The following SEC63 variants were observed in gnomAD, a reference collection of about 807,000 sequenced individuals.
The protein encoded by SEC63 is translocation protein SEC63 homolog.
A neutral mutation model predicts 116.2 loss-of-function variants in SEC63; 56 were observed. The observed-to-expected ratio is 0.48, with a 90% confidence interval of 0.39 to 0.60. The LOEUF (loss-of-function observed/expected upper bound fraction) is 0.60. SEC63 is among the 20% of genes least tolerant of loss of function. The pLI, the probability that SEC63 is intolerant of heterozygous loss-of-function variation, is 0.00. For synonymous variants in SEC63, 273 were observed against 294.6 expected, an observed-to-expected ratio of 0.93 and a Z score of 0.75; for missense variants, 668 against 900.0, an observed-to-expected ratio of 0.74 and a Z score of 3.30.
chr6:107,947,584 C>A (rs1351599873), intron 1 of SEC63, among the ~76,000 whole-genome samples: 1 of 152,076 alleles, frequency 6.6e-6, no homozygotes, highest in African/African-American at 2.4e-5. Context: ...AAAAAAAATT[C>A]ATCCCCATTC....
intron 16 of SEC63, among the ~76,000 whole-genome samples, chr6:107,889,688 G>C (rs1385423401): frequency 3.3e-5 from 5 of 152,028 alleles, no homozygotes; most frequent in Admixed American, 2.0e-4. Context: ...GTCGATTTTA[G>C]ATCTTTCCTG....
intron 20 of SEC63, 69 bp from the exon 21 acceptor site, chr6:107,871,916 A>T: frequency 6.5e-7 from 1 of 1,546,052 alleles, no homozygotes; most frequent in Non-Finnish European, 8.9e-7. Context: ...CTTGGTAAAC[A>T]AAAGGTTTTC....
chr6:107,868,935 G>A lies in SEC63; in HGVS notation c.*2769C>T, dbSNP rs1012506699. ...TACAGAACACTCTAGTATATGGTTT[G>A]GATTGGCTGAAGCAAACTGAACAAA... On this transcript the variant is annotated 3_prime_UTR_variant, in exon 21 of 21. Coordinates refer to ENST00000369002, the MANE Select transcript of SEC63 (RefSeq NM_007214.5). 1 of 152,178 alleles carries A rather than the reference G, an allele frequency of 6.6e-6. No homozygotes were observed. The highest frequency in any genetic ancestry group is 2.4e-5 in the African/African-American group (1 of 41,432). The allele number at this position is 152,178 out of a possible 1,614,324, so 9.4% of individuals were successfully genotyped here.
chr6:107,878,813 C>T (rs958953155), intron 18 of SEC63, among the ~76,000 whole-genome samples: 34 of 152,000 alleles, frequency 2.2e-4, no homozygotes, highest in Non-Finnish European at 3.1e-4. Flanking sequence ...CAAGATTGCG[C>T]CACTGCAGTC....
At chr6:107,884,266 A>AC (rs1196927041) in intron 16 of SEC63, among the ~76,000 whole-genome samples, 95 of 151,558 alleles carry the variant, frequency 6.3e-4, no homozygotes, top group African/African-American at 2.1e-3. Context: ...AAAAAAAAAA[A>AC]AGAGCAGAGA....
At chr6:107,935,093 C>A (rs1029521081) in intron 1 of SEC63, among the ~76,000 whole-genome samples, 1 of 143,916 alleles carries the variant, frequency 6.9e-6, no homozygotes, top group Non-Finnish European at 1.5e-5. Flanking sequence ...CTCTGCCTGG[C>A]CAGCTGCCCC....
intron 11 of SEC63, among the ~76,000 whole-genome samples, chr6:107,903,979 G>A (rs558946337): frequency 2.0e-5 from 3 of 151,840 alleles, no homozygotes; most frequent in Admixed American, 1.3e-4. Flanking sequence ...TTAGCCGGGC[G>A]TGGTGGCATG....
At chr6:107,881,618 C>T (rs1052896081) in intron 17 of SEC63, among the ~76,000 whole-genome samples, 6 of 152,156 alleles carry the variant, frequency 3.9e-5, no homozygotes, top group Non-Finnish European at 7.3e-5. Context: ...CTCCCTTTCT[C>T]TGCCTACTCA....
intron 16 of SEC63, among the ~76,000 whole-genome samples, chr6:107,893,280 G>A (rs143222776): frequency 2.6e-5 from 4 of 152,206 alleles, no homozygotes; most frequent in African/African-American, 2.4e-5. Context: ...AATCTATGGC[G>A]ATTATAGACA....
chr6:107,904,829 C>T (rs1468122769), intron 10 of SEC63, 108 bp from the exon 11 acceptor site: 12 of 848,682 alleles, frequency 1.4e-5, no homozygotes, highest in Non-Finnish European at 2.2e-5. Flanking sequence ...AAATATTTCA[C>T]ATGATCTCAG....
chr6:107,896,088 C>T (rs1786811217), intron 14 of SEC63, among the ~76,000 whole-genome samples: 2 of 152,060 alleles, frequency 1.3e-5, no homozygotes, highest in South Asian at 4.1e-4. Context: ...ATCATTTGAG[C>T]CTAGGAGGCG....
intron 1 of SEC63, among the ~76,000 whole-genome samples, chr6:107,934,478 C>T (rs1423588499): frequency 2.1e-5 from 3 of 144,556 alleles, no homozygotes; most frequent in Non-Finnish European, 4.6e-5. Context: ...CGTCTCTGCC[C>T]GGCCGCTCCA....
At chr6:107,941,164 T>C (rs776606629) in intron 1 of SEC63, among the ~76,000 whole-genome samples, 2 of 152,176 alleles carry the variant, frequency 1.3e-5, no homozygotes, top group African/African-American at 2.4e-5. Flanking sequence ...TGGAGATAAG[T>C]GCAGAGTGTG....
chr6:107,930,453 C>T (rs1201834830), intron 1 of SEC63, among the ~76,000 whole-genome samples: 2 of 150,874 alleles, frequency 1.3e-5, no homozygotes, highest in Non-Finnish European at 3.0e-5. Context: ...ACCAAAAATA[C>T]AAAATTAGCC....
At chr6:107,893,937 C>A in intron 14 of SEC63, 40 bp from the exon 15 acceptor site, 1 of 1,593,272 alleles carries the variant, frequency 6.3e-7, no homozygotes, top group Non-Finnish European at 8.6e-7. Flanking sequence ...ATCTGTCAAC[C>A]TATATTTATC....
chr6:107,933,868 G>A (rs548096606), intron 1 of SEC63, among the ~76,000 whole-genome samples: 24 of 152,316 alleles, frequency 1.6e-4, no homozygotes, highest in South Asian at 4.1e-4. Flanking sequence ...TTGCAGGCGC[G>A]CGCCGCCACG....
intron 16 of SEC63, 61 bp downstream of exon 16, chr6:107,893,421 T>G: frequency 6.6e-7 from 1 of 1,523,510 alleles, no homozygotes; most frequent in East Asian, 2.3e-5. Context: ...ACGTAAGACT[T>G]GAACATTTTA....
chr6:107,929,448 A>C lies in SEC63; in HGVS notation c.191T>G (p.Leu64Ter). The C allele has an allele frequency of 6.3e-7, 1 of 1,597,932 alleles. No individual in the cohort carries two copies. Among genetic ancestry groups the C allele is most frequent in the South Asian group, 1.1e-5 (1 of 90,654 alleles). Residue 64 changes from leucine (L) to a stop codon, truncating the protein, a stop_gained, in exon 2 of 21, where the codon TTA (leucine) becomes TGA (stop). Transcript: ENST00000369002. LOFTEE classifies it high-confidence loss of function. ...GRCMWYRLRL[L>*]KPQPNIIPTV... ...AGGAATAATATTTGGCTGGGGTTTTAATAACCGTAAACGATACCACATACA... is the reference window on the plus strand; with the variant it reads ...AGGAATAATATTTGGCTGGGGTTTTCATAACCGTAAACGATACCACATACA...
intron 1 of SEC63, among the ~76,000 whole-genome samples, chr6:107,935,735 C>T (rs1770231907): frequency 1.3e-5 from 2 of 151,298 alleles, no homozygotes; most frequent in South Asian, 4.2e-4. Flanking sequence ...CCACTATTGT[C>T]CTATGACCCT....
Sources: gnomAD v4.1 joint callset for allele counts (sites outside exome capture counted in the v4.1 genomes callset) on GRCh38, gnomAD v4.1.1 for gene constraint, MANE v1.5 for transcripts, NCBI Gene and HGNC (gene_info 2026-07-23, HGNC 2026-07-21) for gene names.